Variants in STK32B observed in about 807,000 individuals in gnomAD.
The protein encoded by STK32B is serine/threonine-protein kinase 32B.
In STK32B, 43 loss-of-function variants were observed where a neutral mutation model predicts 52.6. That is an observed-to-expected ratio of 0.82 (90% confidence interval 0.64 to 1.05). STK32B has a LOEUF of 1.05. Among genes scored for constraint, STK32B ranks in the 50% least tolerant of loss-of-function variants. The pLI, the probability that STK32B is intolerant of heterozygous loss-of-function variation, is 0.00. For missense variants in STK32B, 621 were observed against 534.6 expected, an observed-to-expected ratio of 1.16 and a Z score of -1.59; for synonymous variants, 238 against 204.3, an observed-to-expected ratio of 1.17 and a Z score of -1.41.
At chr4:5,081,869 G>A (rs1054968254) in intron 1 of STK32B, among the ~76,000 whole-genome samples, 1 of 152,184 alleles carries the variant, frequency 6.6e-6, no homozygotes. Context: ...GTCAGACAAT[G>A]TATGTATCTT....
chr4:5,189,122 A>T (rs1201165430), intron 3 of STK32B, among the ~76,000 whole-genome samples: 1 of 152,158 alleles, frequency 6.6e-6, no homozygotes, highest in Non-Finnish European at 1.5e-5. Flanking sequence ...CCACAGTGGT[A>T]TAATTTTTAC....
At chr4:5,175,498 G>C (rs1719790462) in intron 3 of STK32B, among the ~76,000 whole-genome samples, 1 of 152,100 alleles carries the variant, frequency 6.6e-6, no homozygotes, top group Non-Finnish European at 1.5e-5. Flanking sequence ...ATGTCTTTCT[G>C]TTTTTTAGTT....
chr4:5,317,411 GTATTATA>G (rs1731141873), intron 3 of STK32B, among the ~76,000 whole-genome samples: 1 of 17,968 alleles, frequency 5.6e-5, no homozygotes, highest in African/African-American at 4.8e-4. Context: ...TAATGTATAT[GTATTATA>G]TATAATACAT....
chr4:5,123,618 C>T (rs1016773982), intron 1 of STK32B, among the ~76,000 whole-genome samples: 8 of 152,122 alleles, frequency 5.3e-5, no homozygotes, highest in Non-Finnish European at 1.5e-5. Context: ...GCCACCTTCC[C>T]TCTGTGTCCT....
chr4:5,283,763 T>C (rs1056904104), intron 3 of STK32B, among the ~76,000 whole-genome samples: 1 of 152,090 alleles, frequency 6.6e-6, no homozygotes, highest in Non-Finnish European at 1.5e-5. Context: ...AATGGAGAAG[T>C]AAAAAGTCCT....
At chr4:5,169,987 T>G (rs1254123354) in intron 3 of STK32B, among the ~76,000 whole-genome samples, 2 of 152,218 alleles carry the variant, frequency 1.3e-5, no homozygotes, top group Non-Finnish European at 1.5e-5. Flanking sequence ...TGAATTAATA[T>G]CTGGCGGGAG....
chr4:5,179,798 G>A (rs1389782520), intron 3 of STK32B, among the ~76,000 whole-genome samples: 1 of 152,230 alleles, frequency 6.6e-6, no homozygotes, highest in African/African-American at 2.4e-5. Context: ...CATTTAGTCT[G>A]AGGGCTGATG....
In STK32B at chr4:5,370,726, C is replaced by T. The variant is rs112276158; in HGVS notation, c.435-27481C>T. Among the ~76,000 whole-genome samples, 977 of 152,198 alleles carry T rather than the reference C, an allele frequency of 6.4e-3. 11 individuals carry two copies. The highest frequency in any genetic ancestry group is 0.021 in the African/African-American group (882 of 41,540). On this transcript the variant is annotated intron_variant, in intron 4 of 11. Coordinates refer to ENST00000282908, the MANE Select transcript of STK32B (RefSeq NM_018401.3). Reference sequence around the variant, plus strand: ...TTATTCTGACAGCCGGGCATAGTGGCTCATGCCTGTAATCCCAGCACTTTG... The same window carrying T: ...TTATTCTGACAGCCGGGCATAGTGGTTCATGCCTGTAATCCCAGCACTTTG...
intron 2 of STK32B, among the ~76,000 whole-genome samples, chr4:5,167,331 C>G (rs553080982): frequency 6.6e-6 from 1 of 152,316 alleles, no homozygotes; most frequent in South Asian, 2.1e-4. Context: ...CTCCCTCATG[C>G]TTTATCCATA....
chr4:5,454,063 T>A (rs543695541), intron 7 of STK32B, among the ~76,000 whole-genome samples: 1 of 152,140 alleles, frequency 6.6e-6, no homozygotes, highest in Non-Finnish European at 1.5e-5. Context: ...CAGCACTCAT[T>A]CCACCCCCGA....
chr4:5,214,728 G>T (rs990619310), intron 3 of STK32B, among the ~76,000 whole-genome samples: 2 of 152,066 alleles, frequency 1.3e-5, no homozygotes, highest in African/African-American at 4.8e-5. Context: ...TTTCCTTTTA[G>T]TCTTTTGCTT....
chr4:5,137,254 A>T (rs768910017), intron 1 of STK32B, among the ~76,000 whole-genome samples: 1 of 152,298 alleles, frequency 6.6e-6, no homozygotes, highest in East Asian at 1.9e-4. Flanking sequence ...CACCTGGCCA[A>T]TGCTCAATCT....
At chr4:5,175,228 C>G (rs945389561) in intron 3 of STK32B, among the ~76,000 whole-genome samples, 7 of 151,948 alleles carry the variant, frequency 4.6e-5, no homozygotes, top group Admixed American at 2.0e-4. Context: ...AGTTTTTTAA[C>G]TTCTTTGCCG....
chr4:5,285,850 A>C (rs1560286299), intron 3 of STK32B, among the ~76,000 whole-genome samples: 1 of 152,210 alleles, frequency 6.6e-6, no homozygotes, highest in Non-Finnish European at 1.5e-5. Flanking sequence ...TGTTCTTCCC[A>C]AAATTCTCAT....
At chr4:5,362,351 C>G (rs1734599892) in intron 4 of STK32B, among the ~76,000 whole-genome samples, 1 of 152,188 alleles carries the variant, frequency 6.6e-6, no homozygotes, top group African/African-American at 2.4e-5. Flanking sequence ...CTCTCCCATT[C>G]CAACATCCAC....
chr4:5,284,626 A>G (rs1214575045), intron 3 of STK32B, among the ~76,000 whole-genome samples: 1 of 150,974 alleles, frequency 6.6e-6, no homozygotes, highest in Non-Finnish European at 1.5e-5. Context: ...GTAGTGTGAA[A>G]TTATAACTGC....
intron 3 of STK32B, among the ~76,000 whole-genome samples, chr4:5,316,181 A>ATAT (rs1560309996): frequency 2.8e-4 from 26 of 91,648 alleles, no homozygotes; most frequent in African/African-American, 7.3e-4. Context: ...ATATATAACT[A>ATAT]AATATATATA....
chr4:5,100,620 TTTTCTTTCTTTCTCTTTCTTTC>T (rs1713695328), intron 1 of STK32B, among the ~76,000 whole-genome samples: 2 of 91,738 alleles, frequency 2.2e-5, no homozygotes, highest in African/African-American at 4.0e-5. Flanking sequence ...CTTCCCTGCT[TTTTCTTTCTTTCTCTTTCTTTC>T]TTTCTCTCTT....
intron 3 of STK32B, among the ~76,000 whole-genome samples, chr4:5,299,918 A>G (rs1454520472): frequency 6.6e-6 from 1 of 152,176 alleles, no homozygotes; most frequent in Non-Finnish European, 1.5e-5. Flanking sequence ...AGGAGGATGG[A>G]TTCCTGACCA....
Sources: allele counts gnomAD v4.1 joint callset (sites outside exome capture counted in the v4.1 genomes callset), GRCh38; gene constraint gnomAD v4.1.1; transcripts MANE v1.5; gene names NCBI Gene and HGNC (gene_info 2026-07-23, HGNC 2026-07-21).